Variants in TMEM135 observed in about 807,000 individuals in gnomAD.
TMEM135 encodes the protein peroxisomal membrane protein 52.
A neutral mutation model predicts 60.3 loss-of-function variants in TMEM135; 30 were observed. The ratio of observed to expected loss-of-function variants is 0.50; its 90% CI spans 0.37 to 0.68. The LOEUF (loss-of-function observed/expected upper bound fraction) is 0.68. Among genes scored for constraint, TMEM135 ranks in the 30% least tolerant of loss-of-function variants. The probability of loss-of-function intolerance (pLI) is 0.00; values close to 1 mark genes in which losing one functional copy is unlikely to be tolerated. For synonymous variants in TMEM135, 190 were observed against 186.7 expected, an observed-to-expected ratio of 1.02 and a Z score of -0.14; for missense variants, 468 against 548.8, an observed-to-expected ratio of 0.85 and a Z score of 1.47.
intron 6 of TMEM135, among the ~76,000 whole-genome samples, chr11:87,243,428 A>G (rs1483473535): frequency 4.8e-5 from 6 of 124,972 alleles, no homozygotes; most frequent in East Asian, 4.1e-4. Flanking sequence ...CATTGAATCT[A>G]TAAATTACCT....
intron 4 of TMEM135, among the ~76,000 whole-genome samples, chr11:87,094,021 TC>T (rs1857268083): frequency 6.6e-6 from 1 of 152,186 alleles, no homozygotes; most frequent in South Asian, 2.1e-4. Context: ...GGTTATAAAC[TC>T]CATTCATTTC....
In TMEM135 at chr11:87,327,640, C is replaced by T. The variant is rs1942933161; in HGVS notation, c.*6307C>T. ...CTGAGAAACCCCACCACAGGCCATT[C>T]ATAACCTGGAGACCTTGGGATGCTG... On this transcript the variant is annotated 3_prime_UTR_variant, in exon 15 of 15. Coordinates refer to ENST00000305494, the MANE Select transcript of TMEM135 (RefSeq NM_022918.4). The T allele has an allele frequency of 4.4e-6, 2 of 453,808 alleles. No individual in the cohort carries two copies. Among genetic ancestry groups the T allele is most frequent in the Non-Finnish European group, 8.8e-6 (2 of 226,762 alleles). 28.1% of individuals were successfully genotyped at this position (453,808 alleles called of 1,614,324 possible).
At chr11:87,112,936 G>A (rs1857791408) in intron 4 of TMEM135, among the ~76,000 whole-genome samples, 1 of 151,918 alleles carries the variant, frequency 6.6e-6, no homozygotes, top group South Asian at 2.1e-4. Flanking sequence ...GAGGAATTAT[G>A]CCTAGATGTA....
chr11:87,109,823 C>T (rs973589177), intron 4 of TMEM135, among the ~76,000 whole-genome samples: 1 of 112,360 alleles, frequency 8.9e-6, no homozygotes, highest in African/African-American at 4.1e-5. Flanking sequence ...TTAAAAGCAC[C>T]AACTCTTTTT....
At chr11:87,213,011 C>G (rs557785059) in intron 5 of TMEM135, among the ~76,000 whole-genome samples, 1 of 152,086 alleles carries the variant, frequency 6.6e-6, no homozygotes, top group East Asian at 1.9e-4. Flanking sequence ...ACTCATCTTT[C>G]TCTGGTCTCA....
chr11:87,179,135 T>A (rs780733548), intron 5 of TMEM135, among the ~76,000 whole-genome samples: 8 of 152,130 alleles, frequency 5.3e-5, no homozygotes, highest in Non-Finnish European at 1.0e-4. Flanking sequence ...ATGTTGGACT[T>A]CTTTTCATAG....
At chr11:87,197,705 A>C (rs1939993344) in intron 5 of TMEM135, among the ~76,000 whole-genome samples, 1 of 152,134 alleles carries the variant, frequency 6.6e-6, no homozygotes, top group Non-Finnish European at 1.5e-5. Flanking sequence ...TCTAAGTTTA[A>C]ATCCTAATTT....
intron 3 of TMEM135, among the ~76,000 whole-genome samples, chr11:87,087,554 C>T (rs1376456637): frequency 1.3e-5 from 2 of 152,162 alleles, no homozygotes; most frequent in African/African-American, 2.4e-5. Context: ...TTGAAACTTA[C>T]TTCTTTCTCT....
At chr11:87,135,493 CT>C (rs376201118) in intron 4 of TMEM135, among the ~76,000 whole-genome samples, 52 of 142,006 alleles carry the variant, frequency 3.7e-4, no homozygotes, top group East Asian at 1.9e-3. Context: ...AAGAGTTCAT[CT>C]TTTTTTTTTT....
chr11:87,181,093 G>T (rs1163185934), intron 5 of TMEM135, among the ~76,000 whole-genome samples: 4 of 152,178 alleles, frequency 2.6e-5, no homozygotes, highest in African/African-American at 7.2e-5. Flanking sequence ...CAGAAAGAAT[G>T]AAGTTCTCAG....
chr11:87,257,181 A>T (rs117347723), intron 6 of TMEM135, among the ~76,000 whole-genome samples: 6,139 of 152,252 alleles, frequency 0.04, 166 homozygotes, highest in Non-Finnish European at 0.055. Flanking sequence ...TTTAAGGAGC[A>T]TTATTACTAA....
intron 4 of TMEM135, among the ~76,000 whole-genome samples, chr11:87,129,034 G>A: frequency 6.7e-6 from 1 of 148,218 alleles, no homozygotes. Flanking sequence ...TTAACCTAGA[G>A]TTATAGCTTA....
chr11:87,303,331 A>G (rs1942479025), intron 8 of TMEM135, among the ~76,000 whole-genome samples: 1 of 152,180 alleles, frequency 6.6e-6, no homozygotes, highest in African/African-American at 2.4e-5. Context: ...GAACAGTTTC[A>G]TCCTAAACCA....
intron 6 of TMEM135, 126 bp downstream of exon 6, chr11:87,236,810 C>A: frequency 3.4e-6 from 3 of 881,118 alleles, no homozygotes; most frequent in Non-Finnish European, 1.8e-6. Flanking sequence ...CCCCCGCACC[C>A]CCGCCCAGAG....
chr11:87,267,399 A>C (rs527906442), intron 6 of TMEM135, among the ~76,000 whole-genome samples: 7 of 152,134 alleles, frequency 4.6e-5, no homozygotes, highest in Admixed American at 3.3e-4. Context: ...ATTCTAGCCA[A>C]CCTTCTCTAA....
chr11:87,313,918 A>G (rs952393151), intron 11 of TMEM135, among the ~76,000 whole-genome samples: 2 of 151,844 alleles, frequency 1.3e-5, no homozygotes, highest in African/African-American at 2.4e-5. Context: ...ATTATTTTCT[A>G]TAAGTGCAAT....
At chr11:87,066,209 C>T (rs1469174064) in intron 1 of TMEM135, among the ~76,000 whole-genome samples, 1 of 152,128 alleles carries the variant, frequency 6.6e-6, no homozygotes, top group African/African-American at 2.4e-5. Flanking sequence ...TTCTTACACC[C>T]TCTTACTCCT....
At chr11:87,318,087 TA>T in intron 12 of TMEM135, 49 bp from the exon 13 acceptor site, 1 of 1,443,914 alleles carries the variant, frequency 6.9e-7, no homozygotes, top group Non-Finnish European at 9.7e-7. Context: ...ACTATGTTTT[TA>T]ATGCTGAGGT....
intron 5 of TMEM135, among the ~76,000 whole-genome samples, chr11:87,227,631 C>A (rs1392742547): frequency 2.0e-5 from 3 of 152,068 alleles, no homozygotes; most frequent in African/African-American, 7.2e-5. Flanking sequence ...TATGACAATA[C>A]ATAGCTATTT....
Sources: gnomAD v4.1 joint callset for allele counts (sites outside exome capture counted in the v4.1 genomes callset) on GRCh38, gnomAD v4.1.1 for gene constraint, MANE v1.5 for transcripts, NCBI Gene and HGNC (gene_info 2026-07-23, HGNC 2026-07-21) for gene names.